Variants in ARMC8 observed in about 807,000 individuals in gnomAD.
The protein encoded by ARMC8 is armadillo repeat-containing protein 8.
Under a neutral mutation model 99.3 loss-of-function variants are expected in ARMC8, and 20 were observed. That is an observed-to-expected ratio of 0.20 (90% CI 0.14 to 0.29). ARMC8 has a LOEUF of 0.29. Among genes scored for constraint, ARMC8 ranks in the 10% least tolerant of loss-of-function variants. The pLI is 1.00. For missense variants in ARMC8, 569 were observed against 809.5 expected (o/e 0.70, Z 3.60); for synonymous variants, 263 against 278.3 (o/e 0.95, Z 0.55).
chr3:138,289,202 T>A, intron 20 of ARMC8, 82 bp downstream of exon 20: 2 of 1,091,198 alleles, frequency 1.8e-6, no homozygotes, highest in Non-Finnish European at 2.7e-6. Flanking sequence ...GCCCCTGAGA[T>A]CCTGGGCAGA....
intron 1 of ARMC8, among the ~76,000 whole-genome samples, chr3:138,194,614 A>G (rs1332839879): frequency 6.6e-6 from 1 of 151,648 alleles, no homozygotes; most frequent in Non-Finnish European, 1.5e-5. Context: ...CTGGGATTAC[A>G]GGCGTGAGCC....
intron 12 of ARMC8, among the ~76,000 whole-genome samples, chr3:138,252,931 T>C (rs1344831983): frequency 2.6e-5 from 4 of 152,006 alleles, no homozygotes; most frequent in Admixed American, 1.3e-4. Context: ...CAGTAGACAT[T>C]GTCACTGGAT....
At chr3:138,241,665 A>G (rs1025870998) in intron 10 of ARMC8, 118 bp from the exon 11 acceptor site, 7 of 884,980 alleles carry the variant, frequency 7.9e-6, no homozygotes, top group East Asian at 2.6e-5. Context: ...AAGTCAGTAA[A>G]GGAAATATAT....
intron 2 of ARMC8, among the ~76,000 whole-genome samples, chr3:138,218,777 T>C (rs2045228587): frequency 6.6e-6 from 1 of 152,208 alleles, no homozygotes; most frequent in Admixed American, 6.5e-5. Context: ...AATGCTGAGC[T>C]CAAAAACTAG....
In ARMC8 at chr3:138,187,496, C is replaced by T; in HGVS notation, c.-59C>T. 1 of 1,522,990 alleles carries T rather than the reference C, an allele frequency of 6.6e-7. No homozygotes were observed. Among genetic ancestry groups the T allele is most frequent in the South Asian group, 1.2e-5 (1 of 83,716 alleles). The allele number at this position is 1,522,990 out of a possible 1,614,324, so 94.3% of individuals were successfully genotyped here. On this transcript the variant is annotated 5_prime_UTR_variant, in exon 1 of 22. Coordinates refer to ENST00000469044, the MANE Select transcript of ARMC8 (RefSeq NM_001363941.2). ...GTGCCTAGCGTTGGCCAATAGTTGGCTGTCGAAAGTGCCGGCCCCCGCGCC... is the reference window on the plus strand; with the variant it reads ...GTGCCTAGCGTTGGCCAATAGTTGGTTGTCGAAAGTGCCGGCCCCCGCGCC...
chr3:138,290,690 G>GT (rs1274819501), intron 21 of ARMC8, 51 bp downstream of exon 21: 2 of 1,263,776 alleles, frequency 1.6e-6, no homozygotes, highest in Non-Finnish European at 2.3e-6. Flanking sequence ...GGATTCTTTC[G>GT]TGAAAGGGTT....
intron 12 of ARMC8, among the ~76,000 whole-genome samples, chr3:138,249,530 C>A (rs1170726058): frequency 6.6e-6 from 1 of 151,818 alleles, no homozygotes; most frequent in African/African-American, 2.4e-5. Flanking sequence ...TTGTATCATT[C>A]ACACGTGTGA....
At chr3:138,246,499 A>AT (rs1559984675) in intron 12 of ARMC8, 1 of 985,664 alleles carries the variant, frequency 1.0e-6, no homozygotes, top group Non-Finnish European at 1.2e-6. Flanking sequence ...AGATTTGAAC[A>AT]TTTTTAAAAA....
At chr3:138,200,655 C>T (rs761547486) in intron 1 of ARMC8, among the ~76,000 whole-genome samples, 2 of 152,050 alleles carry the variant, frequency 1.3e-5, no homozygotes, top group Non-Finnish European at 2.9e-5. Context: ...CTGATTAGAA[C>T]TGCTGAGAGC....
intron 1 of ARMC8, among the ~76,000 whole-genome samples, chr3:138,202,464 CTA>C (rs1346428098): frequency 6.6e-6 from 1 of 152,094 alleles, no homozygotes; most frequent in African/African-American, 2.4e-5. Flanking sequence ...TAACTGAGGA[CTA>C]TTAGTACCCT....
intron 19 of ARMC8, 32 bp downstream of exon 19, chr3:138,284,558 A>C (rs750459144): frequency 6.8e-7 from 1 of 1,463,832 alleles, no homozygotes; most frequent in East Asian, 2.3e-5. Context: ...CCGTAGGATT[A>C]GAATGCAGGG....
At chr3:138,216,245 G>A (rs548941950) in intron 2 of ARMC8, among the ~76,000 whole-genome samples, 2 of 152,076 alleles carry the variant, frequency 1.3e-5, no homozygotes, top group East Asian at 3.9e-4. Context: ...TTATAAGAAT[G>A]AACTAAATTA....
Position 138,239,408 on chromosome 3 carries a change from A to C in ARMC8, c.777-60A>C, listed in dbSNP as rs2046492944. ...TTTAATAAAATCTTAAAGGCAAATA[A>C]TTTTTCATTTAAAGCTTTAAACTCC... On this transcript the variant is annotated intron_variant, in intron 9 of 21. Transcript: ENST00000469044. The C allele has an allele frequency of 2.3e-6, 3 of 1,286,378 alleles. No homozygotes were observed. The Admixed American group carries it at 6.5e-5, about 28-fold the overall frequency. The allele number at this position is 1,286,378 out of a possible 1,614,324, so 79.7% of individuals were successfully genotyped here. A position where few individuals can be genotyped will look rare whatever the true frequency, so the allele number is the denominator to read the frequency against.
At chr3:138,238,483 C>G (rs1442619209) in intron 9 of ARMC8, 1 of 152,132 alleles carries the variant, frequency 6.6e-6, no homozygotes, top group African/African-American at 2.4e-5. Context: ...TAAGTTTAAT[C>G]TTAGTATTTA....
intron 6 of ARMC8, among the ~76,000 whole-genome samples, chr3:138,230,747 A>C (rs926281905): frequency 2.6e-4 from 40 of 152,176 alleles, no homozygotes; most frequent in African/African-American, 9.4e-4. Context: ...GGCTACTGAA[A>C]ATTGGACCTG....
intron 1 of ARMC8, among the ~76,000 whole-genome samples, chr3:138,189,856 A>G (rs1321410050): frequency 6.6e-6 from 1 of 152,214 alleles, no homozygotes; most frequent in Non-Finnish European, 1.5e-5. Context: ...AATAAAGCAC[A>G]TTCCTTCTCC....
chr3:138,246,368 C>T (rs2108197218), intron 12 of ARMC8: 1 of 985,028 alleles, frequency 1.0e-6, no homozygotes, highest in South Asian at 4.7e-5. Flanking sequence ...TAAGTTTTCA[C>T]TTATAAACTG....
intron 10 of ARMC8, among the ~76,000 whole-genome samples, chr3:138,241,519 C>T (rs748093667): frequency 3.9e-5 from 6 of 152,104 alleles, no homozygotes; most frequent in Non-Finnish European, 7.4e-5. Context: ...CTTGTCTTAT[C>T]GGTCCCAAAA....
chr3:138,245,641 A>G (rs559267166), intron 12 of ARMC8: 2 of 997,254 alleles, frequency 2.0e-6, no homozygotes, highest in East Asian at 2.1e-4. Flanking sequence ...TTTTTTTGCT[A>G]CTGTGCAAGT....
Sources: gnomAD v4.1 joint callset for allele counts (sites outside exome capture counted in the v4.1 genomes callset) on GRCh38, gnomAD v4.1.1 for gene constraint, MANE v1.5 for transcripts, NCBI Gene and HGNC (gene_info 2026-07-23, HGNC 2026-07-21) for gene names.